Variants in PDE1C observed in about 807,000 individuals in gnomAD.
PDE1C encodes the protein phosphodiesterase 1C, also known as dual specificity calcium/calmodulin-dependent 3',5'-cyclic nucleotide phosphodiesterase 1C.
A neutral mutation model predicts 93.1 loss-of-function variants in PDE1C; 62 were observed. The ratio of observed to expected loss-of-function variants is 0.67; its 90% CI spans 0.54 to 0.82. PDE1C has a LOEUF of 0.82. PDE1C is among the 40% of genes least tolerant of loss of function. The pLI is 0.00. For missense variants in PDE1C, 742 were observed against 884.6 expected, an observed-to-expected ratio of 0.84 and a Z score of 2.04; for synonymous variants, 325 against 310.1, an observed-to-expected ratio of 1.05 and a Z score of -0.50.
chr7:32,214,964 A>G (rs1392668525), intron 1 of PDE1C, among the ~76,000 whole-genome samples: 3 of 133,252 alleles, frequency 2.3e-5, no homozygotes, highest in African/African-American at 7.6e-5. Flanking sequence ...GTGATCAGCT[A>G]GGGAAGTGAC....
chr7:32,052,888 C>G (rs956535293), intron 1 of PDE1C, among the ~76,000 whole-genome samples: 4 of 152,054 alleles, frequency 2.6e-5, no homozygotes, highest in African/African-American at 9.7e-5. Context: ...ACAAATCACT[C>G]CTTTTTAGTT....
At chr7:31,930,071 A>T (rs1271826222) in intron 2 of PDE1C, among the ~76,000 whole-genome samples, 1 of 152,204 alleles carries the variant, frequency 6.6e-6, no homozygotes, top group Non-Finnish European at 1.5e-5. Flanking sequence ...AAAAAATGAT[A>T]AAGGGGATAT....
chr7:31,969,526 AT>A (rs1355392871), intron 2 of PDE1C, among the ~76,000 whole-genome samples: 1 of 152,144 alleles, frequency 6.6e-6, no homozygotes, highest in African/African-American at 2.4e-5. Context: ...AAATAGGAAC[AT>A]TTTTACACTG....
chr7:32,084,937 A>G (rs1187869315), intron 3 of PDE1C, among the ~76,000 whole-genome samples: 1 of 146,738 alleles, frequency 6.8e-6, no homozygotes, highest in Non-Finnish European at 1.5e-5. Flanking sequence ...ATCACAATTA[A>G]AAGAACTAGA....
chr7:32,299,393 A>G (rs1812825651), upstream of PDE1C: 5 of 985,534 alleles, frequency 5.1e-6, no homozygotes, highest in Non-Finnish European at 6.0e-6. Flanking sequence ...GAGCCCCGAT[A>G]GTGTTTCTTC....
chr7:31,700,479 A>T, the PDE1C span, among the ~76,000 whole-genome samples: 1 of 152,238 alleles, frequency 6.6e-6, no homozygotes, highest in Non-Finnish European at 1.5e-5. Context: ...GCCATCTCCC[A>T]TAAAAGTGCA....
At chr7:32,107,666 A>G (rs529191614) in intron 3 of PDE1C, among the ~76,000 whole-genome samples, 196 of 152,334 alleles carry the variant, frequency 1.3e-3, no homozygotes, top group Non-Finnish European at 2.2e-3. Flanking sequence ...TAATTTCTTC[A>G]GAAAGAAAGA....
chr7:32,348,512 C>T lies in PDE1C; in HGVS notation c.310+79310G>A, dbSNP rs991310562. Among the ~76,000 whole-genome samples the T allele has an allele frequency of 2.6e-5, 4 of 151,896 alleles. 1 individual carries two copies. In the South Asian group the frequency reaches 8.3e-4, roughly 32 times the overall value. On this transcript the variant is annotated intron_variant, in intron 1 of 1. Coordinates refer to the PDE1C transcript ENST00000672256. ...CCCAGGTAGCTGGGACTACAGGCAC[C>T]TGCCACCATGCCTGGCTAATTTTTT... is the stretch of plus-strand genomic sequence containing the variant.
the PDE1C span, among the ~76,000 whole-genome samples, chr7:31,704,812 G>A: frequency 1.3e-5 from 2 of 152,166 alleles, no homozygotes; most frequent in Non-Finnish European, 2.9e-5. Flanking sequence ...TGGCTTCAGG[G>A]TCTGCATATC....
intron 2 of PDE1C, among the ~76,000 whole-genome samples, chr7:32,034,757 C>G (rs1790820567): frequency 6.6e-6 from 1 of 152,020 alleles, no homozygotes; most frequent in African/African-American, 2.4e-5. Flanking sequence ...AGATTGGGGC[C>G]AAAAGTCAAA....
chr7:31,624,180 A>G, the PDE1C span, among the ~76,000 whole-genome samples: 1 of 150,026 alleles, frequency 6.7e-6, no homozygotes, highest in Admixed American at 6.7e-5. Context: ...CAATATCGTG[A>G]AAATGGCCAT....
chr7:31,709,210 C>T, the PDE1C span, among the ~76,000 whole-genome samples: 4 of 152,242 alleles, frequency 2.6e-5, no homozygotes, highest in East Asian at 7.7e-4. Context: ...TTACTGACTT[C>T]CTGGGTTAAG....
chr7:31,664,546 T>G, the PDE1C span, among the ~76,000 whole-genome samples: 4 of 152,202 alleles, frequency 2.6e-5, no homozygotes, highest in Admixed American at 1.3e-4. Context: ...TGTCTGGCTC[T>G]CCCAACAACC....
intron 2 of PDE1C, among the ~76,000 whole-genome samples, chr7:31,970,347 T>C (rs529607772): frequency 6.6e-6 from 1 of 152,212 alleles, no homozygotes; most frequent in South Asian, 2.1e-4. Context: ...TTCTAATACT[T>C]TAACTTCTCA....
chr7:31,792,904 T>C (rs1181328159), intron 16 of PDE1C, among the ~76,000 whole-genome samples: 2 of 152,116 alleles, frequency 1.3e-5, no homozygotes, highest in African/African-American at 4.8e-5. Flanking sequence ...ATGGAAACTT[T>C]CTTGCCACAT....
chr7:31,649,086 A>G, the PDE1C span, among the ~76,000 whole-genome samples: 6 of 152,382 alleles, frequency 3.9e-5, no homozygotes, highest in African/African-American at 1.4e-4. Flanking sequence ...TAATTGCAAA[A>G]TTGCAAAATT....
upstream of PDE1C, among the ~76,000 whole-genome samples, chr7:32,299,777 T>C (rs138945405): frequency 3.8e-3 from 583 of 152,280 alleles, no homozygotes; most frequent in African/African-American, 9.6e-3. Context: ...GGAAAATTTT[T>C]CCCACCGATC....
At chr7:31,998,602 T>C (rs1377130805) in intron 2 of PDE1C, among the ~76,000 whole-genome samples, 2 of 152,216 alleles carry the variant, frequency 1.3e-5, no homozygotes, top group Non-Finnish European at 2.9e-5. Flanking sequence ...ATCAGGTATA[T>C]GGTCTATAAC....
At chr7:32,391,930 C>T (rs1784758220) in intron 1 of PDE1C, among the ~76,000 whole-genome samples, 1 of 151,604 alleles carries the variant, frequency 6.6e-6, no homozygotes, top group African/African-American at 2.4e-5. Context: ...CCTTAAGAAA[C>T]TAGAAAGAGC....
Sources: allele counts gnomAD v4.1 joint callset (sites outside exome capture counted in the v4.1 genomes callset), GRCh38; gene constraint gnomAD v4.1.1; transcripts MANE v1.5; gene names NCBI Gene and HGNC (gene_info 2026-07-23, HGNC 2026-07-21).